The following CNTNAP2 variants were observed in gnomAD, a reference collection of about 807,000 sequenced individuals.
CNTNAP2 encodes contactin-associated protein-like 2.
Under a neutral mutation model 155.2 loss-of-function variants are expected in CNTNAP2, and 98 were observed. The ratio of observed to expected loss-of-function variants is 0.63; its 90% CI spans 0.54 to 0.75. CNTNAP2 has a LOEUF of 0.75. CNTNAP2 is among the 30% of genes least tolerant of loss of function. CNTNAP2 has a pLI of 0.00. For synonymous variants in CNTNAP2, 651 were observed against 631.2 expected (o/e 1.03, Z -0.47); for missense variants, 1,727 against 1,688.1 (o/e 1.02, Z -0.40).
intron 15 of CNTNAP2, among the ~76,000 whole-genome samples, chr7:148,035,136 A>C (rs1802548569): frequency 6.6e-6 from 1 of 152,234 alleles, no homozygotes; most frequent in Non-Finnish European, 1.5e-5. Context: ...CAGAACTTAT[A>C]ATTAAAAAAG....
chr7:146,169,104 T>G (rs1798353498), intron 1 of CNTNAP2, among the ~76,000 whole-genome samples: 1 of 152,222 alleles, frequency 6.6e-6, no homozygotes, highest in South Asian at 2.1e-4. Context: ...ATCAGTTCAA[T>G]TATCACTTTC....
chr7:146,335,437 A>G (rs542678369), intron 1 of CNTNAP2, among the ~76,000 whole-genome samples: 2 of 152,308 alleles, frequency 1.3e-5, no homozygotes, highest in Admixed American at 1.3e-4. Context: ...AGGCACTTGC[A>G]GAGTAGTTGA....
chr7:147,140,409 T>C (rs1480477368), intron 8 of CNTNAP2, among the ~76,000 whole-genome samples: 1 of 151,996 alleles, frequency 6.6e-6, no homozygotes, highest in East Asian at 1.9e-4. Flanking sequence ...CTCATTCCAA[T>C]CCTCTGCTAT....
chr7:146,488,260 T>TCCC (rs1797086279), intron 1 of CNTNAP2, among the ~76,000 whole-genome samples: 1 of 43,720 alleles, frequency 2.3e-5, no homozygotes, highest in African/African-American at 8.9e-5. Context: ...CTTCCTCCCC[T>TCCC]CCCCTCCCCT....
chr7:146,176,043 GA>G (rs1401510428), intron 1 of CNTNAP2, among the ~76,000 whole-genome samples: 1 of 152,156 alleles, frequency 6.6e-6, no homozygotes. Flanking sequence ...TACCCTTGGG[GA>G]AATTTACATA....
At position 146,775,743 on chromosome 7, in the gene CNTNAP2, C is replaced by T. The variant is rs148277508; in HGVS notation, c.208+1362C>T. On this transcript the variant is annotated intron_variant, in intron 2 of 23. Coordinates refer to ENST00000361727, the MANE Select transcript of CNTNAP2 (RefSeq NM_014141.6). ...AAAGGCATATCAGATTTAGAAAGACCAAAAAAGAGAAGAAAATAGATAGGA... is the reference window on the plus strand; with the variant it reads ...AAAGGCATATCAGATTTAGAAAGACTAAAAAAGAGAAGAAAATAGATAGGA... 7.9e-3 allele frequency among the ~76,000 whole-genome samples: 1,189 copies of T among 150,998 alleles called. 19 individuals are homozygous for T. The highest frequency in any genetic ancestry group is 0.027 in the African/African-American group (1,104 of 41,168).
chr7:147,399,409 CAAG>C (rs923394080), intron 10 of CNTNAP2, among the ~76,000 whole-genome samples: 16 of 152,142 alleles, frequency 1.1e-4, no homozygotes, highest in African/African-American at 3.6e-4. Context: ...GGTGCTAGCA[CAAG>C]AAGTAGTGAG....
intron 1 of CNTNAP2, among the ~76,000 whole-genome samples, chr7:146,236,657 C>T (rs1294968188): frequency 1.3e-5 from 2 of 152,024 alleles, no homozygotes; most frequent in Admixed American, 6.6e-5. Context: ...CATACTTAAC[C>T]GATGAGAGCA....
chr7:146,294,499 C>T (rs80100769), intron 1 of CNTNAP2, among the ~76,000 whole-genome samples: 13 of 152,256 alleles, frequency 8.5e-5, no homozygotes, highest in East Asian at 3.9e-4. Context: ...CTTGTGTGGT[C>T]GTTGTGTTAA....
intron 1 of CNTNAP2, among the ~76,000 whole-genome samples, chr7:146,144,256 A>T (rs1271915002): frequency 6.6e-6 from 1 of 151,964 alleles, no homozygotes; most frequent in East Asian, 1.9e-4. Context: ...GGCTTAAGTG[A>T]TCCTCTCGCC....
intron 8 of CNTNAP2, chr7:147,167,480 A>C: frequency 1.0e-6 from 1 of 1,002,320 alleles, no homozygotes; most frequent in Non-Finnish European, 1.5e-6. Context: ...CCCCTGCCCC[A>C]CTGGAGGTTG....
chr7:146,508,374 A>G (rs543073049), intron 1 of CNTNAP2, among the ~76,000 whole-genome samples: 1 of 152,340 alleles, frequency 6.6e-6, no homozygotes, highest in African/African-American at 2.4e-5. Context: ...GTATTCAAGT[A>G]TGGAGGAGAT....
chr7:147,021,841 C>T (rs1230595575), intron 3 of CNTNAP2, among the ~76,000 whole-genome samples: 1 of 152,042 alleles, frequency 6.6e-6, no homozygotes, highest in Non-Finnish European at 1.5e-5. Context: ...TATTTGCATT[C>T]ATCAAACATA....
In CNTNAP2 at chr7:147,764,428, A is replaced by G. The variant is rs151040057; in HGVS notation, c.2098+125122A>G. Among the ~76,000 whole-genome samples, 527 of 152,260 alleles carry G rather than the reference A, an allele frequency of 3.5e-3. 6 individuals are homozygous for G. Among genetic ancestry groups the G allele is most frequent in the African/African-American group, 0.012 (491 of 41,550 alleles). On this transcript the variant is annotated intron_variant, in intron 13 of 23. Coordinates refer to ENST00000361727, the MANE Select transcript of CNTNAP2 (RefSeq NM_014141.6). ...TAATTTCACTCTTGAGGCATTTTCA[A>G]TCCTCCCTGATTTTATCTTCTCTGT... is the stretch of plus-strand genomic sequence containing the variant.
Position 147,572,574 on chromosome 7 carries a change from T to C in CNTNAP2, c.1897+10317T>C, listed in dbSNP as rs555197548. 4.9e-5 allele frequency among the ~76,000 whole-genome samples: 6 copies of C among 122,544 alleles called. No individual in the cohort carries two copies. The South Asian group carries it at 1.6e-3, about 33-fold the overall frequency. 80.4% of individuals were successfully genotyped at this position (122,544 alleles called of 152,430 possible). A position where few individuals can be genotyped will look rare whatever the true frequency, so the allele number is the denominator to read the frequency against. On this transcript the variant is annotated intron_variant, in intron 12 of 23. Coordinates refer to ENST00000361727, the MANE Select transcript of CNTNAP2 (RefSeq NM_014141.6). ...AGCACTGCCTTTCTTATGCAATTTC[T>C]CTGCTCAAAATCCGAGAAAGACTTC...
chr7:147,642,392 A>G (rs1446033183), intron 13 of CNTNAP2, among the ~76,000 whole-genome samples: 3 of 152,218 alleles, frequency 2.0e-5, no homozygotes, highest in African/African-American at 7.2e-5. Context: ...TTGAGGTACC[A>G]GGAGAATTAG....
chr7:147,140,681 T>C (rs1801574102), intron 8 of CNTNAP2, among the ~76,000 whole-genome samples: 1 of 152,032 alleles, frequency 6.6e-6, no homozygotes, highest in Non-Finnish European at 1.5e-5. Flanking sequence ...AAAGTTCACA[T>C]AGTCCCCTAA....
chr7:147,855,547 G>A (rs1799021126), intron 13 of CNTNAP2, among the ~76,000 whole-genome samples: 1 of 151,830 alleles, frequency 6.6e-6, no homozygotes. Context: ...AGCACTTTGG[G>A]AGGCCAAAGT....
At chr7:147,256,179 T>C (rs945177994) in intron 8 of CNTNAP2, among the ~76,000 whole-genome samples, 9 of 151,804 alleles carry the variant, frequency 5.9e-5, no homozygotes, top group Admixed American at 4.6e-4. Context: ...CCAGCAAAGA[T>C]TGCACCTTAT....
Sources: gnomAD v4.1 joint callset for allele counts (sites outside exome capture counted in the v4.1 genomes callset) on GRCh38, gnomAD v4.1.1 for gene constraint, MANE v1.5 for transcripts, NCBI Gene and HGNC (gene_info 2026-07-23, HGNC 2026-07-21) for gene names.